Variants in HHAT observed in about 807,000 individuals in gnomAD.
HHAT encodes the protein protein-cysteine N-palmitoyltransferase HHAT.
A neutral mutation model predicts 70.8 loss-of-function variants in HHAT; 47 were observed. The observed-to-expected ratio is 0.66, with a 90% CI of 0.53 to 0.85. HHAT has a LOEUF of 0.85. Ranked by LOEUF, HHAT falls within the 40% of genes least tolerant of loss-of-function variation. The pLI is 0.00. For missense variants in HHAT, 609 were observed against 604.8 expected (o/e 1.01, Z -0.07); for synonymous variants, 228 against 247.6 (o/e 0.92, Z 0.74).
intron 3 of HHAT, among the ~76,000 whole-genome samples, 165 bp from the exon 4 acceptor site, chr1:210,387,303 G>A (rs2273009): frequency 0.053 from 8,058 of 151,852 alleles, 261 homozygotes; most frequent in East Asian, 0.1. Context: ...ATAGCAAGCT[G>A]GAGGGGAGTG....
At chr1:210,544,782 A>G (rs1170644097) in intron 9 of HHAT, among the ~76,000 whole-genome samples, 1 of 152,032 alleles carries the variant, frequency 6.6e-6, no homozygotes, top group East Asian at 1.9e-4. Flanking sequence ...AACATGCATG[A>G]TCTTTCCTCA....
chr1:210,629,130 A>G (rs879379088), intron 11 of HHAT, among the ~76,000 whole-genome samples: 2 of 152,218 alleles, frequency 1.3e-5, no homozygotes, highest in Non-Finnish European at 2.9e-5. Context: ...TAGACAGTCT[A>G]TCCGTGTTTA....
At position 210,524,709 on chromosome 1, in the gene HHAT, A is replaced by G. The variant is rs2095219605; in HGVS notation, c.1043+11521A>G. Among the ~76,000 whole-genome samples, 4 of 152,172 alleles carry G rather than the reference A, an allele frequency of 2.6e-5. No homozygotes were observed. The South Asian group carries it at 8.3e-4, about 31-fold the overall frequency. On this transcript the variant is annotated intron_variant, in intron 9 of 11. Coordinates refer to ENST00000261458, the MANE Select transcript of HHAT (RefSeq NM_018194.6). ...CTGACAGACTTAGGTGGGAATCTAG[A>G]GAAATTGGGATTTTTGAACCTCAAC... is the stretch of plus-strand genomic sequence containing the variant.
chr1:210,338,283 T>G (rs2085694321), intron 1 of HHAT, among the ~76,000 whole-genome samples: 1 of 152,136 alleles, frequency 6.6e-6, no homozygotes, highest in African/African-American at 2.4e-5. Context: ...GAGGCTGCAG[T>G]AAGCCAAGAT....
intron 9 of HHAT, among the ~76,000 whole-genome samples, chr1:210,541,669 G>A (rs1177772004): frequency 6.6e-6 from 1 of 152,244 alleles, no homozygotes; most frequent in African/African-American, 2.4e-5. Flanking sequence ...GGAGGTTGCA[G>A]TGAGCTGAGA....
At position 210,348,988 on chromosome 1, in the gene HHAT, T is replaced by A. The variant is rs777897235; in HGVS notation, c.13T>A (p.Trp5Arg). The A allele has an allele frequency of 6.2e-7, 1 of 1,613,914 alleles. No individual in the cohort carries two copies. Among genetic ancestry groups the A allele is most frequent in the African/African-American group, 1.3e-5 (1 of 74,910 alleles). ...GTGCCAAGGAGCCATGCTGCCCCGA[T>A]GGGAACTGGCACTTTACCTACTTGC... Reference protein sequence around the residue: MLPRWELALYLLASL... With the variant: MLPRRELALYLLASL... The change falls in exon 2 of 12, where the codon TGG becomes AGG. Residue 5 changes from tryptophan (W) to arginine (R), a missense_variant. By Grantham distance (101) the Trp-to-Arg change is moderately radical. Coordinates refer to ENST00000261458, the MANE Select transcript of HHAT (RefSeq NM_018194.6).
At chr1:210,577,206 T>C (rs1275939887) in intron 9 of HHAT, among the ~76,000 whole-genome samples, 3 of 152,224 alleles carry the variant, frequency 2.0e-5, no homozygotes, top group Admixed American at 6.5e-5. Flanking sequence ...CTGGCTAGTA[T>C]TTCCAATACT....
At position 210,558,491 on chromosome 1, in the gene HHAT, T is replaced by A. The variant is rs376610435; in HGVS notation, c.1044-29407T>A. On this transcript the variant is annotated intron_variant, in intron 9 of 11. Transcript: ENST00000261458. ...GACTTGCCTTTGGGTCTTATCTGTTTGTGTTGGCTTGAGCAGTTTGTAATG... is the reference window on the plus strand; with the variant it reads ...GACTTGCCTTTGGGTCTTATCTGTTAGTGTTGGCTTGAGCAGTTTGTAATG... 3.0e-4 allele frequency among the ~76,000 whole-genome samples: 46 copies of A among 152,272 alleles called. 1 individual carries two copies. The South Asian group carries it at 9.3e-3, about 31-fold the overall frequency.
intron 2 of HHAT, among the ~76,000 whole-genome samples, chr1:210,358,294 T>C (rs1421063547): frequency 3.3e-5 from 5 of 152,234 alleles, no homozygotes; most frequent in African/African-American, 1.2e-4. Flanking sequence ...CACCTGGTGG[T>C]CTGCCCCTGC....
chr1:210,457,513 G>A (rs1438423037), intron 7 of HHAT, among the ~76,000 whole-genome samples: 2 of 152,136 alleles, frequency 1.3e-5, no homozygotes, highest in Admixed American at 6.5e-5. Context: ...GCTGGTACAC[G>A]CAGATAGAGC....
intron 11 of HHAT, among the ~76,000 whole-genome samples, chr1:210,661,511 G>C (rs1047424310): frequency 3.9e-5 from 6 of 152,178 alleles, no homozygotes; most frequent in Non-Finnish European, 8.8e-5. Context: ...CAAGGATCTA[G>C]AACTAGAAAT....
chr1:210,477,657 C>G (rs1159792929), intron 8 of HHAT, among the ~76,000 whole-genome samples: 3 of 152,214 alleles, frequency 2.0e-5, no homozygotes, highest in Non-Finnish European at 2.9e-5. Context: ...AACTTGCTAG[C>G]TGCAGGCTAC....
chr1:210,362,083 GATTTT>G (rs1343268626), intron 2 of HHAT, among the ~76,000 whole-genome samples: 3 of 152,278 alleles, frequency 2.0e-5, no homozygotes, highest in South Asian at 2.1e-4. Context: ...AGTGTTGGCA[GATTTT>G]ATTTTATCTT....
rs760168210 is a variant in HHAT, at chr1:210,387,615, G to A, written c.273+34G>A. On this transcript the variant is annotated intron_variant, in intron 4 of 11. Transcript: ENST00000261458. ...ATATGTGTTGTTACCTTTTAAGTGT[G>A]TTTTTCCTTTGCTTCTTGTGAAGAA... 5 of 1,532,524 alleles carry A rather than the reference G, an allele frequency of 3.3e-6. No homozygotes were observed. The East Asian group carries it at 1.1e-4, about 35-fold the overall frequency. 94.9% of individuals were successfully genotyped at this position (1,532,524 alleles called of 1,614,324 possible).
At chr1:210,331,316 C>T (rs528006983) in intron 1 of HHAT, among the ~76,000 whole-genome samples, 1 of 152,134 alleles carries the variant, frequency 6.6e-6, no homozygotes, top group East Asian at 1.9e-4. Flanking sequence ...ACTTCATAGT[C>T]TCATTTTGGT....
In HHAT at chr1:210,415,018, TA is replaced by T. The variant is rs955281257; in HGVS notation, c.685-3126del. On this transcript the variant is annotated intron_variant, in intron 6 of 11. Coordinates refer to ENST00000261458, the MANE Select transcript of HHAT (RefSeq NM_018194.6). Reference sequence around the variant, plus strand: ...TGGGTGACAGAGTGAAACTCTGTCTTAAAAAAAAAATCTTTTTAATTGTCAA... The same window carrying T: ...TGGGTGACAGAGTGAAACTCTGTCTTAAAAAAAAATCTTTTTAATTGTCAA... Among the ~76,000 whole-genome samples the T allele has an allele frequency of 1.2e-3, 175 of 150,316 alleles. 1 individual carries two copies. Among genetic ancestry groups the T allele is most frequent in the African/African-American group, 3.8e-3 (157 of 40,978 alleles).
In HHAT at chr1:210,623,568, G is replaced by A. The variant is rs1020683342; in HGVS notation, c.1288G>A (p.Ala430Thr). The A allele has an allele frequency of 2.2e-5, 35 of 1,614,018 alleles. No individual in the cohort carries two copies. The East Asian group carries it at 7.8e-4, about 36-fold the overall frequency. ...ACAAGCTCGCCGTCGATTCCACGCT[G>A]CCCTTGCTTCTTGTTCCACCTCGAT... is the stretch of plus-strand genomic sequence containing the variant. Reference protein sequence around the residue: ...SPQARRRFHAALASCSTSMLI... With the variant: ...SPQARRRFHATLASCSTSMLI... Residue 430 changes from alanine to threonine, a missense_variant, in exon 11 of 12, where the codon GCC (alanine) becomes ACC (threonine). Physicochemically the swap from Ala to Thr is moderately conservative, Grantham distance 58. Transcript: ENST00000261458.
At chr1:210,467,465 G>A (rs2094130275) in intron 8 of HHAT, among the ~76,000 whole-genome samples, 1 of 152,116 alleles carries the variant, frequency 6.6e-6, no homozygotes, top group Non-Finnish European at 1.5e-5. Flanking sequence ...AAGGAAACTA[G>A]GTTTTGAATT....
intron 2 of HHAT, among the ~76,000 whole-genome samples, chr1:210,357,345 C>G (rs960556707): frequency 6.6e-6 from 1 of 152,208 alleles, no homozygotes; most frequent in Non-Finnish European, 1.5e-5. Flanking sequence ...ATAAAACTCT[C>G]ATGTGAGAGG....
Sources: allele counts gnomAD v4.1 joint callset (sites outside exome capture counted in the v4.1 genomes callset), GRCh38; gene constraint gnomAD v4.1.1; transcripts MANE v1.5; gene names NCBI Gene and HGNC (gene_info 2026-07-23, HGNC 2026-07-21).